The following RALGAPA1 variants were observed in gnomAD, a reference collection of about 807,000 sequenced individuals.
RALGAPA1 encodes the protein Ral GTPase activating protein catalytic subunit alpha 1, also known as ral GTPase-activating protein subunit alpha-1.
Under a neutral mutation model 269.6 loss-of-function variants are expected in RALGAPA1, and 52 were observed. The observed-to-expected ratio is 0.19, with a 90% CI of 0.15 to 0.24. The LOEUF is 0.24. Among genes scored for constraint, RALGAPA1 ranks in the 10% least tolerant of loss-of-function variants. The pLI, the probability that RALGAPA1 is intolerant of heterozygous loss-of-function variation, is 1.00. For missense variants in RALGAPA1, 1,917 were observed against 3,013.9 expected (o/e 0.64, Z 8.52); for synonymous variants, 817 against 1,008.3 (o/e 0.81, Z 3.60).
chr14:35,792,374 C>G (rs1298625482), intron 1 of RALGAPA1, among the ~76,000 whole-genome samples: 1 of 149,500 alleles, frequency 6.7e-6, no homozygotes, highest in Admixed American at 6.7e-5. Context: ...CCAGGCTGGT[C>G]TCGAACTCCT....
chr14:35,786,974 C>T (rs1193785529), intron 1 of RALGAPA1, among the ~76,000 whole-genome samples: 1 of 152,166 alleles, frequency 6.6e-6, no homozygotes, highest in Non-Finnish European at 1.5e-5. Context: ...TCTTCCTTCA[C>T]TTCTATCTAT....
At chr14:35,767,868 A>T (rs1432717859) in intron 4 of RALGAPA1, among the ~76,000 whole-genome samples, 1 of 152,080 alleles carries the variant, frequency 6.6e-6, no homozygotes, top group Non-Finnish European at 1.5e-5. Flanking sequence ...TGACCTCACC[A>T]AGTTCAGATG....
chr14:35,588,381 C>T (rs2058441015), intron 37 of RALGAPA1, among the ~76,000 whole-genome samples: 1 of 152,120 alleles, frequency 6.6e-6, no homozygotes, highest in Admixed American at 6.6e-5. Flanking sequence ...GACATTTCTA[C>T]AAAGGTCACA....
chr14:35,591,637 T>G (rs2058642722), intron 37 of RALGAPA1, among the ~76,000 whole-genome samples: 1 of 152,080 alleles, frequency 6.6e-6, no homozygotes, highest in Non-Finnish European at 1.5e-5. Flanking sequence ...CTGTTTTATT[T>G]TTTCCTCTCC....
Position 35,594,365 on chromosome 14 carries a change from G to A in RALGAPA1, c.7209+1269C>T, listed in dbSNP as rs140844739. Among the ~76,000 whole-genome samples, 402 of 152,184 alleles carry A rather than the reference G, an allele frequency of 2.6e-3. 1 individual carries two copies. Among genetic ancestry groups the A allele is most frequent in the African/African-American group, 8.6e-3 (356 of 41,528 alleles). On this transcript the variant is annotated intron_variant, in intron 37 of 41. Transcript: ENST00000680220. Reference sequence around the variant, plus strand: ...CAGAGGGAAAACATATTTGCAAACCGCTTATCTATTAAGGGATTAATATCT... The same window carrying A: ...CAGAGGGAAAACATATTTGCAAACCACTTATCTATTAAGGGATTAATATCT...
rs1036585722 is a variant in RALGAPA1, at chr14:35,770,477, G to A, written c.325+465C>T. 9.6e-4 allele frequency among the ~76,000 whole-genome samples: 146 copies of A among 151,806 alleles called. 1 individual carries two copies. Among genetic ancestry groups the A allele is most frequent in the Admixed American group, 7.2e-4 (11 of 15,244 alleles). Reference sequence around the variant, plus strand: ...CATCTGATTAAAAAAAAAAGTAACTGTACTCATTCACAGATGATATAACCC... The same window carrying A: ...CATCTGATTAAAAAAAAAAGTAACTATACTCATTCACAGATGATATAACCC... On this transcript the variant is annotated intron_variant, in intron 4 of 41. Transcript: ENST00000680220.
At chr14:35,572,739 T>C (rs762972455) in intron 37 of RALGAPA1, 21 bp from the exon 38 acceptor site, 6 of 1,568,464 alleles carry the variant, frequency 3.8e-6, no homozygotes, top group Non-Finnish European at 4.3e-6. Context: ...AAGAAAACAA[T>C]TTATACTGCT....
chr14:35,785,313 C>T (rs966605271), intron 1 of RALGAPA1, among the ~76,000 whole-genome samples: 2 of 152,204 alleles, frequency 1.3e-5, no homozygotes, highest in South Asian at 4.1e-4. Context: ...TATCTTGTTC[C>T]TTGAAATCTG....
At chr14:35,714,761 A>C (rs911124436) in intron 16 of RALGAPA1, among the ~76,000 whole-genome samples, 2 of 152,012 alleles carry the variant, frequency 1.3e-5, no homozygotes, top group African/African-American at 4.8e-5. Context: ...TTTTTTCCTG[A>C]CATATTCTTT....
intron 26 of RALGAPA1, among the ~76,000 whole-genome samples, chr14:35,666,016 CCTT>C (rs2063897647): frequency 1.3e-5 from 2 of 151,134 alleles, no homozygotes; most frequent in African/African-American, 4.9e-5. Context: ...GGTGTTTCCT[CCTT>C]TTTTTTTTTT....
rs573050588 is a variant in RALGAPA1, at chr14:35,579,817, A to T, written c.7210-7099T>A. Reference sequence around the variant, plus strand: ...TATAAGATTGTTATATTTAGGACTCAAACAATGAGTATAATTTCACAGCAC... The same window carrying T: ...TATAAGATTGTTATATTTAGGACTCTAACAATGAGTATAATTTCACAGCAC... On this transcript the variant is annotated intron_variant, in intron 37 of 41. Coordinates refer to ENST00000680220, the MANE Select transcript of RALGAPA1 (RefSeq NM_001346249.2). Among the ~76,000 whole-genome samples the T allele has an allele frequency of 2.9e-4, 44 of 152,284 alleles. 1 individual carries two copies. The Middle Eastern group carries it at 0.02, about 71-fold the overall frequency.
rs1212187721 is a variant in RALGAPA1 at position 35,627,487 on chromosome 14, A to C, written c.6460T>G (p.Leu2154Val). Residue 2154 changes from leucine to valine, a missense_variant, in exon 34 of 42, where the codon TTA (leucine) becomes GTA (valine). This residue lies in a region of RALGAPA1 where 25 missense variants were observed against 19.2 expected (regional missense o/e 1.30). Transcript: ENST00000680220. ...PEEPPTSNEC[L>V]EDITVKDGLS... ...CCATCTTTTACGGTTATATCTTCTA[A>C]GCATTCATTAGATGTCGGAGGCTCT... The C allele has an allele frequency of 1.2e-6, 2 of 1,612,276 alleles. No individual in the cohort carries two copies. The highest frequency in any genetic ancestry group is 1.3e-5 in the African/African-American group (1 of 74,898).
At chr14:35,648,398 G>C (rs1386107094) in intron 31 of RALGAPA1, among the ~76,000 whole-genome samples, 1 of 151,468 alleles carries the variant, frequency 6.6e-6, no homozygotes, top group African/African-American at 2.4e-5. Flanking sequence ...CCTAGGAGGC[G>C]GAGATTGCAG....
rs535603884 is a variant in RALGAPA1, at chr14:35,797,890, G to C, written c.106+10840C>G. Among the ~76,000 whole-genome samples, 770 of 144,656 alleles carry C rather than the reference G, an allele frequency of 5.3e-3. 6 individuals carry two copies. Among genetic ancestry groups the C allele is most frequent in the African/African-American group, 0.018 (728 of 39,436 alleles). 94.9% of individuals were successfully genotyped at this position (144,656 alleles called of 152,430 possible). On this transcript the variant is annotated intron_variant, in intron 1 of 41. Transcript: ENST00000680220. ...AAAGAGACTTTTTTTTTCTTTTTTTGGAGACAGGGTCTTGCTCTGTTGTCC... is the reference window on the plus strand; with the variant it reads ...AAAGAGACTTTTTTTTTCTTTTTTTCGAGACAGGGTCTTGCTCTGTTGTCC...
intron 35 of RALGAPA1, among the ~76,000 whole-genome samples, chr14:35,617,830 G>C (rs1040437669): frequency 2.6e-5 from 4 of 151,774 alleles, no homozygotes; most frequent in African/African-American, 9.7e-5. Flanking sequence ...AACAAATTAG[G>C]ACCTGTTTCT....
At chr14:35,764,585 A>C (rs1458578770) in intron 4 of RALGAPA1, among the ~76,000 whole-genome samples, 2 of 152,000 alleles carry the variant, frequency 1.3e-5, no homozygotes, top group Non-Finnish European at 2.9e-5. Flanking sequence ...TCACTCTGTC[A>C]CCCAGGCTAG....
intron 31 of RALGAPA1, among the ~76,000 whole-genome samples, chr14:35,646,783 A>G (rs57490252): frequency 0.044 from 6,741 of 152,276 alleles, 397 homozygotes; most frequent in South Asian, 0.14. Context: ...TATATAAGAG[A>G]ATTGCTTGAT....
chr14:35,598,243 G>T (rs992260802), intron 36 of RALGAPA1, among the ~76,000 whole-genome samples: 2 of 151,924 alleles, frequency 1.3e-5, no homozygotes, highest in Non-Finnish European at 2.9e-5. Flanking sequence ...TTGGTGAACT[G>T]ATCCTTCTAT....
At chr14:35,804,817 T>C (rs1317456218) in intron 1 of RALGAPA1, among the ~76,000 whole-genome samples, 7 of 151,374 alleles carry the variant, frequency 4.6e-5, no homozygotes, top group Admixed American at 3.9e-4. Flanking sequence ...ATGTCCCAGC[T>C]ACTAGGGAGG....
Sources: gnomAD v4.1 joint callset for allele counts (sites outside exome capture counted in the v4.1 genomes callset) on GRCh38, gnomAD v4.1.1 for gene constraint, gnomAD v4.1.1 regional missense constraint, MANE v1.5 for transcripts, NCBI Gene and HGNC (gene_info 2026-07-23, HGNC 2026-07-21) for gene names.